The following SMG1 variants were observed in gnomAD, a reference collection of about 807,000 sequenced individuals.
The protein encoded by SMG1 is SMG1 nonsense mediated mRNA decay associated PI3K related kinase.
A neutral mutation model predicts 419.9 loss-of-function variants in SMG1; 22 were observed. The ratio of observed to expected loss-of-function variants is 0.05; its 90% CI spans 0.04 to 0.07. SMG1 has a LOEUF of 0.07. Among genes scored for constraint, SMG1 ranks in the 10% least tolerant of loss-of-function variants. SMG1 has a pLI of 1.00. For synonymous variants in SMG1, 1,538 were observed against 1,553.5 expected, an observed-to-expected ratio of 0.99 and a Z score of 0.23; for missense variants, 3,185 against 4,342.0, an observed-to-expected ratio of 0.73 and a Z score of 7.49.
chr16:18,891,448 T>C lies in SMG1; in HGVS notation c.550-527A>G, dbSNP rs540601542. Among the ~76,000 whole-genome samples, 81 of 152,176 alleles carry C rather than the reference T, an allele frequency of 5.3e-4. No homozygotes were observed. The Middle Eastern group carries it at 0.01, about 19-fold the overall frequency. The stretch of plus-strand genomic sequence containing the variant: ...CTCATTATCAAGTTCTTTTTTTTTT[T>C]TTTCAAGATGGAGTTTCACTCTTTT... On this transcript the variant is annotated intron_variant, in intron 4 of 62. Coordinates refer to ENST00000446231, the MANE Select transcript of SMG1 (RefSeq NM_015092.5).
chr16:18,820,591 A>G (rs927330114), intron 55 of SMG1, among the ~76,000 whole-genome samples: 2 of 152,226 alleles, frequency 1.3e-5, no homozygotes, highest in African/African-American at 2.4e-5. Flanking sequence ...TTTATTCAAC[A>G]TTTCAGGTGG....
intron 1 of SMG1, among the ~76,000 whole-genome samples, chr16:18,900,489 AAG>A (rs1404373977): frequency 6.6e-6 from 1 of 152,132 alleles, no homozygotes; most frequent in East Asian, 1.9e-4. Flanking sequence ...TAGAGAGAAA[AAG>A]AGAGAGAGTG....
At chr16:18,837,500 C>T in intron 45 of SMG1, 57 bp from the exon 46 acceptor site, 2 of 1,436,142 alleles carry the variant, frequency 1.4e-6, no homozygotes, top group East Asian at 2.3e-5. Flanking sequence ...TGAGACACAA[C>T]AGTGTCAGAA....
intron 1 of SMG1, among the ~76,000 whole-genome samples, chr16:18,915,154 T>C (rs1567461602): frequency 1.3e-5 from 2 of 152,056 alleles, no homozygotes; most frequent in African/African-American, 2.4e-5. Flanking sequence ...GTATATTTTT[T>C]AGTCGAGATG....
At chr16:18,840,356 G>A (rs2033844316) in intron 41 of SMG1, among the ~76,000 whole-genome samples, 1 of 152,150 alleles carries the variant, frequency 6.6e-6, no homozygotes, top group Admixed American at 6.5e-5. Flanking sequence ...CACATTACAT[G>A]AGAATTTAGA....
At chr16:18,923,991 T>TG (rs781131514) in intron 1 of SMG1, among the ~76,000 whole-genome samples, 260 of 152,220 alleles carry the variant, frequency 1.7e-3, no homozygotes, top group Non-Finnish European at 3.2e-3. Context: ...CACACTTCCC[T>TG]GTTCCCTCTA....
rs952597613 is a variant in SMG1 at position 18,847,977 on chromosome 16, A to G, written c.5680T>C (p.Leu1894=). 3.7e-6 allele frequency: 6 copies of G among 1,613,892 alleles called. No individual in the cohort carries two copies. Among genetic ancestry groups the G allele is most frequent in the Admixed American group, 1.7e-5 (1 of 60,004 alleles). Residue 1894 remains leucine (L), a synonymous_variant, in exon 37 of 63, where the codon TTG becomes CTG. Coordinates refer to ENST00000446231, the MANE Select transcript of SMG1 (RefSeq NM_015092.5). ...CCTCCCTCACATTCAGAAACCAGCA[A>G]TTCTTCTCCTTGAATATTGCCAAGT... ...TLLGNIQGEE[L]LVSECEGGSP...
At chr16:18,877,596 AATAATAAT>A (rs2036197507) in intron 11 of SMG1, 1 of 165,798 alleles carries the variant, frequency 6.0e-6, no homozygotes, top group Admixed American at 5.7e-5. Flanking sequence ...AAAATTAGTT[AATAATAAT>A]ATATCCATAT....
chr16:18,923,938 T>C (rs2038292574), intron 1 of SMG1, among the ~76,000 whole-genome samples: 1 of 152,142 alleles, frequency 6.6e-6, no homozygotes, highest in Non-Finnish European at 1.5e-5. Flanking sequence ...AAATCAGCTA[T>C]GACAATCTTA....
chr16:18,908,476 C>CAA (rs59890240), intron 1 of SMG1, among the ~76,000 whole-genome samples: 436 of 82,944 alleles, frequency 5.3e-3, no homozygotes, highest in African/African-American at 9.3e-3. Flanking sequence ...GACTCCGTCT[C>CAA]AAAAAAAAAA....
rs1174824559 is a variant in SMG1 at position 18,869,198 on chromosome 16, C to A, written c.2739G>T (p.Trp913Cys). Reference protein sequence around the residue: ...RNLLKTDAVLWQWAIWEAAQF... With the variant: ...RNLLKTDAVLCQWAIWEAAQF... ...GTGCAGCTTCCCATATGGCCCACTG[C>A]CAAAGGACAGCATCTGTCTTCAGGA... The change falls in exon 20 of 63, where the codon TGG (tryptophan) becomes TGT (cysteine). Residue 913 changes from tryptophan to cysteine, a missense_variant. This residue lies in a region of SMG1 where 48 missense variants were observed against 48.8 expected (regional missense o/e 0.98). Coordinates refer to ENST00000446231, the MANE Select transcript of SMG1 (RefSeq NM_015092.5). 4 of 1,611,648 alleles carry A rather than the reference C, an allele frequency of 2.5e-6. No homozygotes were observed. The highest frequency in any genetic ancestry group is 2.5e-6 in the Non-Finnish European group (3 of 1,179,706).
intron 36 of SMG1, 29 bp downstream of exon 36, chr16:18,849,188 C>A: frequency 7.0e-7 from 1 of 1,424,996 alleles, no homozygotes; most frequent in South Asian, 1.4e-5. Context: ...CATTTATACT[C>A]AAAGTAGCAA....
At chr16:18,911,660 C>T (rs558461513) in intron 1 of SMG1, 2 of 151,888 alleles carry the variant, frequency 1.3e-5, no homozygotes, top group African/African-American at 2.4e-5. Flanking sequence ...AAAATTACCC[C>T]CTCAGAGGGA....
In SMG1 at chr16:18,859,175, C is replaced by A. The variant is rs1427773293; in HGVS notation, c.3960G>T (p.Val1320=). The stretch of plus-strand genomic sequence containing the variant: ...GGGATGTTTGCTTCAAGTACTTTAC[C>A]ACATTTCTGAAACAAAATATTTACT... ...DQKWQSITEN[V]VKYLKQTSRI... The change falls in exon 28 of 63, where the codon GTG becomes GTT. Residue 1320 remains valine (V), a synonymous_variant. Transcript: ENST00000446231. 6.5e-7 allele frequency: 1 copy of A among 1,532,524 alleles called. No individual in the cohort carries two copies. The highest frequency in any genetic ancestry group is 1.4e-5 in the African/African-American group (1 of 73,018). The allele number at this position is 1,532,524 out of a possible 1,614,324, so 94.9% of individuals were successfully genotyped here.
Position 18,838,643 on chromosome 16 carries a change from A to G in SMG1, c.6992T>C (p.Ile2331Thr). 2 of 1,613,340 alleles carry G rather than the reference A, an allele frequency of 1.2e-6. No homozygotes were observed. The highest frequency in any genetic ancestry group is 8.5e-7 in the Non-Finnish European group (1 of 1,179,616). ...TAVMSMVGYI[I>T]GLGDRHLDNV... ...ATCCAGATGTCTGTCTCCAAGGCCA[A>G]TTATGTATCCAACCATAGACATGAC... The change falls in exon 43 of 63, where the codon ATT becomes ACT. Residue 2331 changes from isoleucine (I) to threonine (T), a missense_variant. Ile to Thr is a moderately conservative substitution (Grantham distance 89). Transcript: ENST00000446231.
At chr16:18,854,965 A>G (rs1162385445) in intron 29 of SMG1, 61 bp from the exon 30 acceptor site, 2 of 1,518,594 alleles carry the variant, frequency 1.3e-6, no homozygotes, top group East Asian at 2.3e-5. Context: ...GCATGGAAAC[A>G]TGGCCAAAAA....
chr16:18,899,065 T>G (rs1285918158), intron 1 of SMG1, among the ~76,000 whole-genome samples: 6 of 152,190 alleles, frequency 3.9e-5, no homozygotes, highest in Non-Finnish European at 8.8e-5. Flanking sequence ...TAAAAGTTAT[T>G]ATGACCATAA....
chr16:18,852,060 T>C lies in SMG1; in HGVS notation c.5052+7A>G. 1 of 1,602,496 alleles carries C rather than the reference T, an allele frequency of 6.2e-7. No individual in the cohort carries two copies. The highest frequency in any genetic ancestry group is 8.5e-7 in the Non-Finnish European group (1 of 1,175,968). On this transcript the variant is annotated splice_region_variant and intron_variant, in intron 33 of 62. Coordinates refer to ENST00000446231, the MANE Select transcript of SMG1 (RefSeq NM_015092.5). ...CAATCTTGCCCCAAGCACCATGTTT[T>C]CCTTGCCTGAATCCCCGCCGGCCGA...
At chr16:18,867,854 G>T (rs1016716237) in intron 22 of SMG1, among the ~76,000 whole-genome samples, 18 of 151,482 alleles carry the variant, frequency 1.2e-4, no homozygotes, top group African/African-American at 4.1e-4. Flanking sequence ...GACTACAGGC[G>T]CCTGCCACCA....
Sources: allele counts gnomAD v4.1 joint callset (sites outside exome capture counted in the v4.1 genomes callset), GRCh38; gene constraint gnomAD v4.1.1; regional missense constraint gnomAD v4.1.1; transcripts MANE v1.5; gene names NCBI Gene and HGNC (gene_info 2026-07-23, HGNC 2026-07-21).